The following PKP4 variants were observed in gnomAD, a reference collection of about 807,000 sequenced individuals.
The protein encoded by PKP4 is plakophilin-4.
In PKP4, 90 loss-of-function variants were observed where a neutral mutation model predicts 145.1. The observed-to-expected ratio is 0.62, with a 90% CI of 0.52 to 0.74. The LOEUF is 0.74. PKP4 is among the 30% of genes least tolerant of loss of function. The pLI, the probability that PKP4 is intolerant of heterozygous loss-of-function variation, is 0.00. For synonymous variants in PKP4, 563 were observed against 577.2 expected, an observed-to-expected ratio of 0.98 and a Z score of 0.35; for missense variants, 1,340 against 1,482.7, an observed-to-expected ratio of 0.90 and a Z score of 1.58.
At chr2:158,564,230 TCAAA>T (rs919394417) in intron 2 of PKP4, among the ~76,000 whole-genome samples, 2 of 152,106 alleles carry the variant, frequency 1.3e-5, no homozygotes, top group African/African-American at 4.8e-5. Flanking sequence ...GTGTCTGTGT[TCAAA>T]CAAACCTATG....
chr2:158,673,838 G>T, intron 18 of PKP4, 45 bp from the exon 19 acceptor site: 1 of 1,466,488 alleles, frequency 6.8e-7, no homozygotes, highest in Non-Finnish European at 9.6e-7. Flanking sequence ...GTAATGAAAT[G>T]TCATTATTCA....
At chr2:158,528,626 TAAAGTA>T (rs2043194017) in intron 1 of PKP4, among the ~76,000 whole-genome samples, 1 of 41,446 alleles carries the variant, frequency 2.4e-5, no homozygotes, top group Non-Finnish European at 3.9e-5. Flanking sequence ...CCCTAGAACT[TAAAGTA>T]TAATAAAAAA....
At position 158,661,435 on chromosome 2, in the gene PKP4, C is replaced by T. The variant is rs149166693; in HGVS notation, c.2196C>T (p.Ser732=). The change falls in exon 13 of 22, where the codon TCC becomes TCT. Residue 732 remains serine, a synonymous_variant. Transcript: ENST00000389759. ...LYVIHTCVNT[S]DYDSKTVENC... Reference sequence around the variant, plus strand: ...TGATCCACACGTGTGTGAACACATCCGATTACGACAGCAAGGTCAGTGCCG... The same window carrying T: ...TGATCCACACGTGTGTGAACACATCTGATTACGACAGCAAGGTCAGTGCCG... 420 of 1,609,856 alleles carry T rather than the reference C, an allele frequency of 2.6e-4. 1 individual carries two copies. The East Asian group carries it at 3.7e-3, about 14-fold the overall frequency.
chr2:158,477,845 GAC>G (rs931400829), intron 1 of PKP4, among the ~76,000 whole-genome samples: 11 of 152,230 alleles, frequency 7.2e-5, no homozygotes, highest in African/African-American at 2.6e-4. Flanking sequence ...AACATAGCAA[GAC>G]ACTCATCTCT....
intron 3 of PKP4, among the ~76,000 whole-genome samples, chr2:158,602,607 C>T (rs896510138): frequency 3.9e-5 from 6 of 152,114 alleles, no homozygotes; most frequent in Non-Finnish European, 7.4e-5. Context: ...TGAAGTTCTG[C>T]GTTTTAAATT....
chr2:158,616,666 A>G (rs2051655051), intron 4 of PKP4, among the ~76,000 whole-genome samples: 1 of 152,132 alleles, frequency 6.6e-6, no homozygotes, highest in South Asian at 2.1e-4. Flanking sequence ...CCTAAACACC[A>G]TAGCAACTCA....
At chr2:158,500,194 G>A (rs1361407445) in intron 1 of PKP4, among the ~76,000 whole-genome samples, 2 of 152,300 alleles carry the variant, frequency 1.3e-5, no homozygotes, top group South Asian at 2.1e-4. Flanking sequence ...CCTGCAAGAA[G>A]TTGGAATGTC....
intron 2 of PKP4, among the ~76,000 whole-genome samples, chr2:158,534,394 C>A (rs1021929257): frequency 6.6e-6 from 1 of 152,022 alleles, no homozygotes; most frequent in South Asian, 2.1e-4. Context: ...TTTTATTCCT[C>A]AATGAAATTT....
rs954412499 is a variant in PKP4, at chr2:158,526,925, C to A, written c.-5-6255C>A. Among the ~76,000 whole-genome samples, 19 of 73,634 alleles carry A rather than the reference C, an allele frequency of 2.6e-4. 1 individual carries two copies. The highest frequency in any genetic ancestry group is 1.1e-3 in the African/African-American group (19 of 17,818). The allele number at this position is 73,634 out of a possible 152,430, so 48.3% of individuals were successfully genotyped here. On this transcript the variant is annotated intron_variant, in intron 1 of 21. Coordinates refer to ENST00000389759, the MANE Select transcript of PKP4 (RefSeq NM_003628.6). ...ATAAAATACCTAGGAATCCAACTTA[C>A]AAGGGATGTGAAGGACCTCTTCAAG...
intron 13 of PKP4, 58 bp downstream of exon 13, chr2:158,661,508 C>T: frequency 9.4e-7 from 1 of 1,066,188 alleles, no homozygotes; most frequent in Non-Finnish European, 1.5e-6. Flanking sequence ...ATGCCTGGTG[C>T]CACTATTTGC....
chr2:158,628,231 A>C (rs2053008457), intron 7 of PKP4, among the ~76,000 whole-genome samples: 1 of 152,052 alleles, frequency 6.6e-6, no homozygotes, highest in South Asian at 2.1e-4. Flanking sequence ...TGCCCGCCTC[A>C]GCCTCCCAAA....
At chr2:158,474,472 G>A (rs1203563537) in intron 1 of PKP4, among the ~76,000 whole-genome samples, 2 of 152,088 alleles carry the variant, frequency 1.3e-5, no homozygotes, top group Admixed American at 6.5e-5. Flanking sequence ...AATTACATCG[G>A]AAGTGTCAAA....
At chr2:158,550,410 T>C (rs568973061) in intron 2 of PKP4, among the ~76,000 whole-genome samples, 6 of 152,346 alleles carry the variant, frequency 3.9e-5, no homozygotes, top group African/African-American at 1.2e-4. Context: ...CATGTAACCA[T>C]AATCAATATA....
At chr2:158,463,135 C>A (rs1690033843) in intron 1 of PKP4, among the ~76,000 whole-genome samples, 1 of 152,104 alleles carries the variant, frequency 6.6e-6, no homozygotes, top group Non-Finnish European at 1.5e-5. Context: ...GAGAATCCAG[C>A]ACAGTAATTA....
rs1433754651 is a variant in PKP4 at position 158,658,272 on chromosome 2, T to G, written c.2051T>G (p.Phe684Cys). 6.2e-7 allele frequency: 1 copy of G among 1,608,080 alleles called. No individual in the cohort carries two copies. Among genetic ancestry groups the G allele is most frequent in the Non-Finnish European group, 8.5e-7 (1 of 1,175,702 alleles). Residue 684 changes from phenylalanine to cysteine, a missense_variant, in exon 12 of 22, where the codon TTT (phenylalanine) becomes TGT (cysteine). Phe to Cys is a radical substitution (Grantham distance 205). Coordinates refer to ENST00000389759, the MANE Select transcript of PKP4 (RefSeq NM_003628.6). ...TTTGATGATGATCATAAAATTAAAT[T>G]TCAGACTTCACTAGTTCTGCGTAAC... ...SSFDDDHKIK[F>C]QTSLVLRNTT...
chr2:158,587,776 C>T (rs1429531520), intron 3 of PKP4, among the ~76,000 whole-genome samples: 1 of 151,790 alleles, frequency 6.6e-6, no homozygotes, highest in Non-Finnish European at 1.5e-5. Flanking sequence ...AAATTCAAGT[C>T]CCCTTTGCCA....
intron 7 of PKP4, among the ~76,000 whole-genome samples, chr2:158,629,124 C>T (rs2053103947): frequency 6.6e-6 from 1 of 152,100 alleles, no homozygotes; most frequent in African/African-American, 2.4e-5. Flanking sequence ...TTGGCCAGTG[C>T]CTAAAAAGCT....
intron 19 of PKP4, 72 bp from the exon 20 acceptor site, chr2:158,676,667 G>T: frequency 7.7e-6 from 12 of 1,566,240 alleles, no homozygotes; most frequent in Non-Finnish European, 1.1e-5. Flanking sequence ...TTCTGGAGAG[G>T]ATTTTCCACA....
rs62182730 is a variant in PKP4 at position 158,587,106 on chromosome 2, T to C, written c.245+9723T>C. Among the ~76,000 whole-genome samples, 713 of 152,268 alleles carry C rather than the reference T, an allele frequency of 4.7e-3. 5 individuals carry two copies. Among genetic ancestry groups the C allele is most frequent in the Admixed American group, 8.6e-3 (131 of 15,290 alleles). On this transcript the variant is annotated intron_variant, in intron 3 of 21. Transcript: ENST00000389759. Reference sequence around the variant, plus strand: ...AGCATTTTAAATGTTAAATGGATAATGCAGTTAGGAAGAACCACAAAAAAG... The same window carrying C: ...AGCATTTTAAATGTTAAATGGATAACGCAGTTAGGAAGAACCACAAAAAAG...
Sources: gnomAD v4.1 joint callset for allele counts (sites outside exome capture counted in the v4.1 genomes callset) on GRCh38, gnomAD v4.1.1 for gene constraint, MANE v1.5 for transcripts, NCBI Gene and HGNC (gene_info 2026-07-23, HGNC 2026-07-21) for gene names.